Variants in RMC1 observed in about 807,000 individuals in gnomAD.
RMC1 encodes the protein regulator of MON1-CCZ1, also known as regulator of MON1-CCZ1 complex.
Under a neutral mutation model 95.5 loss-of-function variants are expected in RMC1, and 44 were observed. The observed-to-expected ratio is 0.46, with a 90% CI of 0.36 to 0.59. The LOEUF (loss-of-function observed/expected upper bound fraction) is 0.59, where lower values mean the gene tolerates loss of function less well. RMC1 is among the 20% of genes least tolerant of loss of function. The pLI, the probability that RMC1 is intolerant of heterozygous loss-of-function variation, is 0.00. For synonymous variants in RMC1, 320 were observed against 303.6 expected (o/e 1.05, Z -0.56); for missense variants, 705 against 819.6 (o/e 0.86, Z 1.71).
chr18:23,520,407 G>A, intron 10 of RMC1, 94 bp downstream of exon 10: 1 of 1,029,380 alleles, frequency 9.7e-7, no homozygotes, highest in Non-Finnish European at 1.5e-6. Flanking sequence ...AAAGTGGAGT[G>A]AGGAATAAAC....
At chr18:23,520,466 TTTG>T (rs899454741) in intron 10 of RMC1, among the ~76,000 whole-genome samples, 153 bp downstream of exon 10, 9 of 152,092 alleles carry the variant, frequency 5.9e-5, no homozygotes, top group African/African-American at 2.2e-4. Flanking sequence ...TTGTTCCAGT[TTTG>T]TTGTTGTTTT....
At chr18:23,504,506 A>G (rs1446130111) in intron 2 of RMC1, 59 bp downstream of exon 2, 1 of 1,467,200 alleles carries the variant, frequency 6.8e-7, no homozygotes, top group East Asian at 2.3e-5. Context: ...TGTTTTTCTA[A>G]TTCAAATGGT....
chr18:23,525,258 A>AT (rs958586598), intron 12 of RMC1, among the ~76,000 whole-genome samples: 4 of 149,578 alleles, frequency 2.7e-5, no homozygotes, highest in East Asian at 2.0e-4. Flanking sequence ...AAGAAATCTT[A>AT]TTTTTTTAAG....
rs1188725623 is a variant in RMC1 at position 23,524,284 on chromosome 18, C to T, written c.1006+110C>T. 4.7e-6 allele frequency: 7 copies of T among 1,498,248 alleles called. No individual in the cohort carries two copies. The Admixed American group carries it at 1.2e-4, about 26-fold the overall frequency. 92.8% of individuals were successfully genotyped at this position (1,498,248 alleles called of 1,614,324 possible). On this transcript the variant is annotated intron_variant, in intron 11 of 19. Transcript: ENST00000269221. ...GCTGTGAATAACACTCCGAGAGCCA[C>T]CCCGCAGGCAGCTTCCCTGACTGTC...
intron 12 of RMC1, among the ~76,000 whole-genome samples, chr18:23,524,853 G>A (rs1372526585): frequency 2.0e-5 from 3 of 151,590 alleles, no homozygotes; most frequent in African/African-American, 7.3e-5. Flanking sequence ...ATGAGCCCGG[G>A]AGGTGTGCTC....
In RMC1 at chr18:23,529,912, C is replaced by A. The variant is rs917759807; in HGVS notation, c.1495-116C>A. 12 of 1,091,030 alleles carry A rather than the reference C, an allele frequency of 1.1e-5. No homozygotes were observed. In the South Asian group the frequency reaches 1.6e-4, roughly 14 times the overall value. 67.6% of individuals were successfully genotyped at this position (1,091,030 alleles called of 1,614,324 possible). ...CTTTACCTGCATGACGAAACCACTTCTTGTAATGACAGACTTTTACTGTGT... is the reference window on the plus strand; with the variant it reads ...CTTTACCTGCATGACGAAACCACTTATTGTAATGACAGACTTTTACTGTGT... On this transcript the variant is annotated intron_variant, in intron 16 of 19. Coordinates refer to ENST00000269221, the MANE Select transcript of RMC1 (RefSeq NM_013326.5).
intron 1 of RMC1, 54 bp downstream of exon 1, chr18:23,503,774 C>A: frequency 1.3e-6 from 2 of 1,497,114 alleles, no homozygotes; most frequent in Non-Finnish European, 1.8e-6. Context: ...GTCGTGGGCG[C>A]GCCAAGGCCG....
chr18:23,513,780 A>T (rs1253592781), intron 5 of RMC1, among the ~76,000 whole-genome samples: 2 of 152,068 alleles, frequency 1.3e-5, no homozygotes, highest in Non-Finnish European at 2.9e-5. Flanking sequence ...TTGATTAGTG[A>T]TGTTGAGCAC....
chr18:23,527,383 G>GC (rs914565089), intron 13 of RMC1, among the ~76,000 whole-genome samples: 15 of 151,922 alleles, frequency 9.9e-5, no homozygotes, highest in African/African-American at 3.6e-4. Context: ...GGGCGACAGA[G>GC]CAAGACCCTG....
In RMC1 at chr18:23,509,252, A is replaced by G. The variant is rs760893279; in HGVS notation, c.381A>G (p.Ile127Met). ...CWTSSTEIVF[I>M]TDQGIEFYQV... is the part of the protein sequence containing the mutation. ...CTAGTTCAACTGAAATTGTCTTCAT[A>G]ACAGATCAAGGAATCGAATTTTACC... Residue 127 changes from isoleucine to methionine, a missense_variant, in exon 5 of 20, where the codon ATA becomes ATG. Physicochemically the swap from Ile to Met is conservative, Grantham distance 10. Coordinates refer to ENST00000269221, the MANE Select transcript of RMC1 (RefSeq NM_013326.5). The G allele has an allele frequency of 6.9e-7, 1 of 1,456,146 alleles. No individual in the cohort carries two copies. Among genetic ancestry groups the G allele is most frequent in the South Asian group, 1.7e-5 (1 of 60,002 alleles). The allele number at this position is 1,456,146 out of a possible 1,614,324, so 90.2% of individuals were successfully genotyped here. A position where few individuals can be genotyped will look rare whatever the true frequency, so the allele number is the denominator to read the frequency against.
intron 5 of RMC1, among the ~76,000 whole-genome samples, chr18:23,512,276 C>A (rs565780218): frequency 6.6e-6 from 1 of 152,224 alleles, no homozygotes; most frequent in African/African-American, 2.4e-5. Flanking sequence ...CTATCTCGGC[C>A]CCCTAAAGTG....
At chr18:23,506,888 G>T in intron 2 of RMC1, 82 bp from the exon 3 acceptor site, 1 of 974,084 alleles carries the variant, frequency 1.0e-6, no homozygotes. Flanking sequence ...CCTGAATATA[G>T]ATTGTGTCTT....
chr18:23,521,343 C>T (rs1206871135), intron 10 of RMC1, among the ~76,000 whole-genome samples: 1 of 152,204 alleles, frequency 6.6e-6, no homozygotes, highest in African/African-American at 2.4e-5. Context: ...ATTGAATACA[C>T]CCGTAACGTT....
Position 23,530,029 on chromosome 18 carries a change from A to G in RMC1, c.1496A>G (p.His499Arg). The G allele has an allele frequency of 6.2e-7, 1 of 1,613,060 alleles. No homozygotes were observed. The highest frequency in any genetic ancestry group is 8.5e-7 in the Non-Finnish European group (1 of 1,179,042). ...SLNQFQIAVQ[H>R]YLHELVIKTL... Reference sequence around the variant, plus strand: ...TTCACTTTTTACTTTTGTCCTCAGCATTACCTACATGAACTTGTTATCAAA... The same window carrying G: ...TTCACTTTTTACTTTTGTCCTCAGCGTTACCTACATGAACTTGTTATCAAA... Residue 499 changes from histidine to arginine, a missense_variant and splice_region_variant, in exon 17 of 20, where the codon CAT (histidine) becomes CGT (arginine). By Grantham distance (29) the His-to-Arg change is conservative. Coordinates refer to ENST00000269221, the MANE Select transcript of RMC1 (RefSeq NM_013326.5).
rs746822630 is a variant in RMC1, at chr18:23,520,295, T to C, written c.943T>C (p.Tyr315His). 50 of 1,613,694 alleles carry C rather than the reference T, an allele frequency of 3.1e-5. No homozygotes were observed. The highest frequency in any genetic ancestry group is 1.3e-5 in the African/African-American group (1 of 74,900). ...PVLPARSIQP[Y>H]QIPITGPAAV... is the part of the protein sequence containing the mutation. ...GCTTCCCGCTCGATCGATCCAGCCC[T>C]ATCAGATCCCCATCACAGGTAACAC... The change falls in exon 10 of 20, where the codon TAT becomes CAT. Residue 315 changes from tyrosine to histidine, a missense_variant. Tyr to His is a moderately conservative substitution (Grantham distance 83). Transcript: ENST00000269221.
chr18:23,524,048 G>C (rs1024090418), intron 10 of RMC1, 82 bp from the exon 11 acceptor site: 1 of 1,380,588 alleles, frequency 7.2e-7, no homozygotes, highest in Non-Finnish European at 1.0e-6. Context: ...ACATTAAAAA[G>C]TATTGACTTT....
chr18:23,523,205 C>T (rs954568781), intron 10 of RMC1, among the ~76,000 whole-genome samples: 5 of 152,156 alleles, frequency 3.3e-5, no homozygotes, highest in African/African-American at 1.2e-4. Context: ...CTTTCTCTGA[C>T]CAGCTGATTG....
rs1292429683 is a variant in RMC1 at position 23,516,261 on chromosome 18, A to G, written c.550-59A>G. ...TATCCTTGTTGGTTTTACACAGGGA[A>G]TGATGAAACATTGAAGGGGTTTAAT... On this transcript the variant is annotated intron_variant, in intron 6 of 19. Coordinates refer to ENST00000269221, the MANE Select transcript of RMC1 (RefSeq NM_013326.5). 7 of 1,555,490 alleles carry G rather than the reference A, an allele frequency of 4.5e-6. No individual in the cohort carries two copies. In the Admixed American group the frequency reaches 1.0e-4, roughly 22 times the overall value.
chr18:23,529,796 A>C (rs911215159), intron 16 of RMC1, 84 bp downstream of exon 16: 3 of 1,323,796 alleles, frequency 2.3e-6, no homozygotes, highest in Non-Finnish European at 3.2e-6. Flanking sequence ...GATGACTCAT[A>C]TGCTAAGACA....
Sources: allele counts gnomAD v4.1 joint callset (sites outside exome capture counted in the v4.1 genomes callset), GRCh38; gene constraint gnomAD v4.1.1; transcripts MANE v1.5; gene names NCBI Gene and HGNC (gene_info 2026-07-23, HGNC 2026-07-21).